Variants in FBXO10 observed in about 807,000 individuals in gnomAD.
FBXO10 encodes F-box only protein 10.
FBXO10 carries 39 observed loss-of-function variants against 80.7 expected under a neutral mutation model. That is an observed-to-expected ratio of 0.48 (90% confidence interval 0.37 to 0.63). The LOEUF (loss-of-function observed/expected upper bound fraction) is 0.63, where lower values mean the gene tolerates loss of function less well. Among genes scored for constraint, FBXO10 ranks in the 30% least tolerant of loss-of-function variants. The pLI is 0.00. For missense variants in FBXO10, 1,025 were observed against 1,269.0 expected, an observed-to-expected ratio of 0.81 and a Z score of 2.92; for synonymous variants, 449 against 489.6, an observed-to-expected ratio of 0.92 and a Z score of 1.09.
chr9:37,550,659 T>G (rs750922917), intron 1 of FBXO10, among the ~76,000 whole-genome samples: 7 of 151,794 alleles, frequency 4.6e-5, no homozygotes, highest in Non-Finnish European at 1.0e-4. Flanking sequence ...TTGTAGTTTT[T>G]GTAGAGATGG....
intron 1 of FBXO10, among the ~76,000 whole-genome samples, chr9:37,557,526 C>T (rs996471200): frequency 6.6e-6 from 1 of 152,212 alleles, no homozygotes; most frequent in Non-Finnish European, 1.5e-5. Flanking sequence ...CTTGGCTTGC[C>T]TCACTTGAGA....
chr9:37,534,392 C>T (rs1036454862), intron 3 of FBXO10, among the ~76,000 whole-genome samples: 3 of 152,144 alleles, frequency 2.0e-5, no homozygotes, highest in Non-Finnish European at 2.9e-5. Context: ...AGGTGCCTTT[C>T]GGAGCGTGCA....
At chr9:37,525,669 C>T (rs1373204081) in intron 5 of FBXO10, among the ~76,000 whole-genome samples, 25 of 152,136 alleles carry the variant, frequency 1.6e-4, no homozygotes, top group Non-Finnish European at 1.6e-4. Context: ...CGTGCCTCAG[C>T]CTGGATTACA....
rs750650998 is a variant in FBXO10 at position 37,512,687 on chromosome 9, G to A, written c.2731C>T (p.Arg911Trp). ...DTWRLVNPPA[R>W]PHLENSLRRP... ...CTGAGAGAATTTTCAAGGTGGGGCC[G>A]TGCTGGTGGGTTCACCAGGCGCCAC... Residue 911 changes from arginine (R) to tryptophan (W), a missense_variant, in exon 11 of 11, where the codon CGG (arginine) becomes TGG (tryptophan). Around this residue, in one of 3 missense-constraint regions of FBXO10, gnomAD observed 97 missense variants for 101.8 expected, o/e 0.95. Transcript: ENST00000432825. 8.1e-6 allele frequency: 13 copies of A among 1,613,974 alleles called. No homozygotes were observed. The Admixed American group carries it at 8.3e-5, about 10-fold the overall frequency.
At chr9:37,573,626 T>C (rs759210174) in intron 1 of FBXO10, among the ~76,000 whole-genome samples, 1 of 152,160 alleles carries the variant, frequency 6.6e-6, no homozygotes, top group Non-Finnish European at 1.5e-5. Flanking sequence ...TTGGAATGTA[T>C]AAGCCCCCAG....
At chr9:37,532,794 G>A in intron 3 of FBXO10, among the ~76,000 whole-genome samples, 1 of 152,216 alleles carries the variant, frequency 6.6e-6, no homozygotes, top group South Asian at 2.1e-4. Context: ...CATGCACTAA[G>A]TTTGCATGAA....
At chr9:37,541,904 A>G in intron 1 of FBXO10, 130 bp from the exon 2 acceptor site, 1 of 733,898 alleles carries the variant, frequency 1.4e-6, no homozygotes, top group Non-Finnish European at 2.2e-6. Flanking sequence ...TCTTGGCCTC[A>G]CCATAACCTC....
At position 37,537,550 on chromosome 9, in the gene FBXO10, G is replaced by A; in HGVS notation, c.979C>T (p.Pro327Ser). Residue 327 changes from proline to serine, a missense_variant, in exon 3 of 11, where the codon CCA becomes TCA. By Grantham distance (74) the Pro-to-Ser change is moderately conservative. This residue lies in a region of FBXO10 where 450 missense variants were observed against 499.4 expected (regional missense o/e 0.90). Coordinates refer to ENST00000432825, the MANE Select transcript of FBXO10 (RefSeq NM_012166.3). ...QSPTSPASSS[P>S]KPGSKAGSQE... Reference sequence around the variant, plus strand: ...GAGCCAGCCTTGGAGCCTGGCTTTGGGGAGCTAGAGGCTGGGCTGGTAGGG... The same window carrying A: ...GAGCCAGCCTTGGAGCCTGGCTTTGAGGAGCTAGAGGCTGGGCTGGTAGGG... 6.2e-7 allele frequency: 1 copy of A among 1,613,158 alleles called. No individual in the cohort carries two copies.
chr9:37,553,075 C>A (rs1822245692), intron 1 of FBXO10, among the ~76,000 whole-genome samples: 1 of 151,852 alleles, frequency 6.6e-6, no homozygotes, highest in African/African-American at 2.4e-5. Flanking sequence ...TGGAGTCTCG[C>A]TCTGTCACCA....
At chr9:37,561,688 G>A (rs367994966) in intron 1 of FBXO10, among the ~76,000 whole-genome samples, 3 of 152,132 alleles carry the variant, frequency 2.0e-5, no homozygotes, top group Admixed American at 6.5e-5. Context: ...TTGCCTATGT[G>A]CCAAGCATTG....
Position 37,529,363 on chromosome 9 carries a change from A to G in FBXO10, c.1570-103T>C, listed in dbSNP as rs1821559173. 2.3e-6 allele frequency: 3 copies of G among 1,295,178 alleles called. No homozygotes were observed. The South Asian group carries it at 4.1e-5, about 18-fold the overall frequency. The allele number at this position is 1,295,178 out of a possible 1,614,324, so 80.2% of individuals were successfully genotyped here. A position where few individuals can be genotyped will look rare whatever the true frequency, so the allele number is the denominator to read the frequency against. On this transcript the variant is annotated intron_variant, in intron 4 of 10. Transcript: ENST00000432825. Reference sequence around the variant, plus strand: ...CTCCGCGGCAGGATGAACACAGTGGAGAAAATGACGTCACTGTAAGAGCCC... The same window carrying G: ...CTCCGCGGCAGGATGAACACAGTGGGGAAAATGACGTCACTGTAAGAGCCC...
chr9:37,574,636 G>A (rs1394562565), intron 1 of FBXO10, among the ~76,000 whole-genome samples: 2 of 152,220 alleles, frequency 1.3e-5, no homozygotes, highest in East Asian at 3.8e-4. Flanking sequence ...ACTGGTGTGA[G>A]GGATCAGGAA....
chr9:37,552,294 G>T (rs996476787), intron 1 of FBXO10, among the ~76,000 whole-genome samples: 1 of 152,102 alleles, frequency 6.6e-6, no homozygotes, highest in Non-Finnish European at 1.5e-5. Flanking sequence ...TTAGGTATTT[G>T]TTATAGCAAC....
intron 1 of FBXO10, among the ~76,000 whole-genome samples, chr9:37,546,502 T>A (rs940949708): frequency 6.6e-6 from 1 of 152,190 alleles, no homozygotes; most frequent in Non-Finnish European, 1.5e-5. Flanking sequence ...TTAATTTTGT[T>A]CATTCACTCA....
intron 1 of FBXO10, among the ~76,000 whole-genome samples, chr9:37,563,684 G>A (rs975719869): frequency 2.6e-5 from 4 of 152,208 alleles, no homozygotes; most frequent in African/African-American, 7.2e-5. Context: ...CTCCCCTAGA[G>A]ATCTGTGGAA....
In FBXO10 at chr9:37,537,514, C is replaced by A; in HGVS notation, c.1015G>T (p.Glu339Ter). Residue 339 changes from glutamate (E) to a stop codon, truncating the protein, a stop_gained, in exon 3 of 11, where the codon GAG (glutamate) becomes TAG (stop). Transcript: ENST00000432825. LOFTEE classifies it high-confidence loss of function. The stretch of plus-strand genomic sequence containing the variant: ...ACCCTTTCACCATCACTACCCACCT[C>A]TGCCTCCTGTGAGCCAGCCTTGGAG... The part of the protein sequence containing the change: ...PGSKAGSQEA[E>*]VGSDGERVAQ... 6.2e-7 allele frequency: 1 copy of A among 1,612,438 alleles called. No individual in the cohort carries two copies. The highest frequency in any genetic ancestry group is 8.5e-7 in the Non-Finnish European group (1 of 1,179,342).
In FBXO10 at chr9:37,537,146, G is replaced by T; in HGVS notation, c.1383C>A (p.Asn461Lys). Residue 461 changes from asparagine to lysine, a missense_variant, in exon 3 of 11, where the codon AAC becomes AAA. By Grantham distance (94) the Asn-to-Lys change is moderately conservative (BLOSUM62 0). Transcript: ENST00000432825. ...RAKMEGNIFR[N>K]LTYAVRCIHN... ...GTATACACCGCACTGCGTAAGTCAG[G>T]TTCCGGAAGATGTTTCCTTCCATCT... is the stretch of plus-strand genomic sequence containing the variant. 1.2e-6 allele frequency: 2 copies of T among 1,613,784 alleles called. No individual in the cohort carries two copies. The highest frequency in any genetic ancestry group is 1.7e-6 in the Non-Finnish European group (2 of 1,179,826).
At chr9:37,566,721 G>A (rs1379213681) in intron 1 of FBXO10, among the ~76,000 whole-genome samples, 2 of 152,124 alleles carry the variant, frequency 1.3e-5, no homozygotes, top group Non-Finnish European at 2.9e-5. Flanking sequence ...TAACCCCAAA[G>A]AGCCCTGTAC....
chr9:37,555,168 G>A (rs567956138), intron 1 of FBXO10, among the ~76,000 whole-genome samples: 2 of 152,022 alleles, frequency 1.3e-5, no homozygotes, highest in African/African-American at 2.4e-5. Flanking sequence ...CTGCTGCCTC[G>A]GCCTCCCAAA....
Sources: allele counts gnomAD v4.1 joint callset (sites outside exome capture counted in the v4.1 genomes callset), GRCh38; gene constraint gnomAD v4.1.1; regional missense constraint gnomAD v4.1.1; transcripts MANE v1.5; gene names NCBI Gene and HGNC (gene_info 2026-07-23, HGNC 2026-07-21).